NOC4L: variants seen among roughly 807,000 people sequenced by gnomAD.
NOC4L encodes nucleolar complex associated 4 homolog.
A neutral mutation model predicts 62.8 loss-of-function variants in NOC4L; 40 were observed. The ratio of observed to expected loss-of-function variants is 0.64; its 90% CI spans 0.49 to 0.83. NOC4L has a LOEUF of 0.83. Ranked by LOEUF, NOC4L falls within the 40% of genes least tolerant of loss-of-function variation. NOC4L has a pLI of 0.00. For missense variants in NOC4L, 927 were observed against 701.9 expected, an observed-to-expected ratio of 1.32 and a Z score of -3.62; for synonymous variants, 433 against 299.8, an observed-to-expected ratio of 1.44 and a Z score of -4.59.
Position 132,151,651 on chromosome 12 carries a change from T to TG in NOC4L, c.1234+8dup, listed in dbSNP as rs1402961804. Reference sequence around the variant, plus strand: ...CACCGTCCACACGGCCCTGGTGAGTTGCGGGGCCCTCGGAGGCTGGGCTGG... The same window carrying TG: ...CACCGTCCACACGGCCCTGGTGAGTTGGCGGGGCCCTCGGAGGCTGGGCTGG... On this transcript the variant is annotated splice_region_variant and intron_variant, in intron 12 of 14. Coordinates refer to ENST00000330579, the MANE Select transcript of NOC4L (RefSeq NM_024078.3). 6.2e-7 allele frequency: 1 copy of TG among 1,611,412 alleles called. No homozygotes were observed.
Position 132,144,560 on chromosome 12 carries a change from C to T in NOC4L, c.72C>T (p.Ser24=). The T allele has an allele frequency of 6.6e-7, 1 of 1,521,172 alleles. No homozygotes were observed. Among genetic ancestry groups the T allele is most frequent in the Non-Finnish European group, 8.8e-7 (1 of 1,142,350 alleles). The allele number at this position is 1,521,172 out of a possible 1,614,324, so 94.2% of individuals were successfully genotyped here. The part of the protein sequence containing the change: ...LGRRLEAVLA[S]RSEANAVFDI... ...GCCGGCTGGAGGCGGTGCTGGCGAGCCGCAGTGAGGCCAACGCCGTGTTCG... is the reference window on the plus strand; with the variant it reads ...GCCGGCTGGAGGCGGTGCTGGCGAGTCGCAGTGAGGCCAACGCCGTGTTCG... The change falls in exon 1 of 15, where the codon AGC becomes AGT. Residue 24 remains serine (S), a synonymous_variant. Coordinates refer to ENST00000330579, the MANE Select transcript of NOC4L (RefSeq NM_024078.3).
At chr12:132,145,416 C>T in intron 2 of NOC4L, 143 bp from the exon 3 acceptor site, 1 of 599,918 alleles carries the variant, frequency 1.7e-6, no homozygotes, top group Non-Finnish European at 3.0e-6. Context: ...CAGCACAGGT[C>T]TGGGGGCCTT....
In NOC4L at chr12:132,145,668, G is replaced by C; in HGVS notation, c.345+3G>C. On this transcript the variant is annotated splice_donor_region_variant and intron_variant, in intron 3 of 14. Coordinates refer to ENST00000330579, the MANE Select transcript of NOC4L (RefSeq NM_024078.3). Reference sequence around the variant, plus strand: ...GCCACCCCTCCTTTCAGGTCAAGGTGGGTCATTGGGCTGGCCTCATCCTTG... The same window carrying C: ...GCCACCCCTCCTTTCAGGTCAAGGTCGGTCATTGGGCTGGCCTCATCCTTG... 1 of 1,604,936 alleles carries C rather than the reference G, an allele frequency of 6.2e-7. No individual in the cohort carries two copies. The highest frequency in any genetic ancestry group is 8.5e-7 in the Non-Finnish European group (1 of 1,172,704).
At position 132,152,187 on chromosome 12, in the gene NOC4L, C is replaced by T. The variant is rs369988126; in HGVS notation, c.1421C>T (p.Thr474Met). ...EVSIAPLLEL[T>M]AYEIFERDLK... ...AGCATCGCGCCACTGCTGGAGCTCA[C>T]GGCCTACGAGGTGCGGAACTGGGCC... is the stretch of plus-strand genomic sequence containing the variant. The change falls in exon 14 of 15, where the codon ACG (threonine) becomes ATG (methionine). Residue 474 changes from threonine to methionine, a missense_variant. Transcript: ENST00000330579. 2.0e-5 allele frequency: 33 copies of T among 1,611,742 alleles called. No homozygotes were observed. The highest frequency in any genetic ancestry group is 1.1e-4 in the South Asian group (10 of 90,996).
rs150462136 is a variant in NOC4L at position 132,148,867 on chromosome 12, C to G, written c.873C>G (p.Ile291Met). The G allele has an allele frequency of 6.3e-7, 1 of 1,599,730 alleles. No individual in the cohort carries two copies. Among genetic ancestry groups the G allele is most frequent in the Non-Finnish European group, 8.5e-7 (1 of 1,178,252 alleles). The change falls in exon 9 of 15, where the codon ATC becomes ATG. Residue 291 changes from isoleucine (I) to methionine (M), a missense_variant. Ile to Met is a conservative substitution (Grantham distance 10, BLOSUM62 1). Transcript: ENST00000330579. The stretch of plus-strand genomic sequence containing the variant: ...AGCTGGCGCAGCCCACGCTCATGAT[C>G]GACTTCCTCACCCGCGCCTGCGACC... ...LPQLAQPTLM[I>M]DFLTRACDLG...
chr12:132,148,131 C>T (rs201626546), intron 7 of NOC4L, 25 bp downstream of exon 7: 483 of 1,612,128 alleles, frequency 3.0e-4, no homozygotes, highest in Non-Finnish European at 3.9e-4. Flanking sequence ...GAGAGCCGGG[C>T]ACCCTCCCGG....
chr12:132,148,125 G>A lies in NOC4L; in HGVS notation c.738+19G>A. 6.2e-7 allele frequency: 1 copy of A among 1,612,852 alleles called. No homozygotes were observed. Among genetic ancestry groups the A allele is most frequent in the African/African-American group, 1.3e-5 (1 of 75,038 alleles). On this transcript the variant is annotated intron_variant, in intron 7 of 14. Coordinates refer to ENST00000330579, the MANE Select transcript of NOC4L (RefSeq NM_024078.3). ...CCTGAAGGTGAGTTGCTTCTGGAGA[G>A]CCGGGCACCCTCCCGGGTTTGGGGG...
At chr12:132,148,723 ACCCCG>A in intron 8 of NOC4L, 56 bp from the exon 9 acceptor site, 1 of 1,262,322 alleles carries the variant, frequency 7.9e-7, no homozygotes, top group Non-Finnish European at 1.0e-6. Flanking sequence ...CGGAGGCCTC[ACCCCG>A]ACCCGCCGGC....
At chr12:132,151,463 C>G in intron 11 of NOC4L, 21 bp from the exon 12 acceptor site, 1 of 1,599,994 alleles carries the variant, frequency 6.3e-7, no homozygotes, top group Non-Finnish European at 8.5e-7. Context: ...GGCCCTGTCT[C>G]ACAACCACTG....
At chr12:132,145,051 GC>G (rs1654692353) in intron 2 of NOC4L, 77 bp downstream of exon 2, 5 of 1,498,658 alleles carry the variant, frequency 3.3e-6, no homozygotes, top group Non-Finnish European at 2.7e-6. Context: ...TGGGATGAGC[GC>G]CCCCAACCCT....
At chr12:132,148,735 CG>C (rs1565959995) in intron 8 of NOC4L, 48 bp from the exon 9 acceptor site, 1 of 1,301,244 alleles carries the variant, frequency 7.7e-7, no homozygotes, top group African/African-American at 1.6e-5. Context: ...CCCGACCCGC[CG>C]GCCCCCGCCC....
In NOC4L at chr12:132,148,808, G is replaced by C. The variant is rs933771887; in HGVS notation, c.814G>C (p.Val272Leu). Residue 272 changes from valine to leucine, a missense_variant, in exon 9 of 15, where the codon GTG (valine) becomes CTG (leucine). By Grantham distance (32) the Val-to-Leu change is conservative (BLOSUM62 1). Transcript: ENST00000330579. ...GCTGCCCCTCAGCCTCTACAAGAAG[G>C]TGCTGCTGATTGTGCATGACGCCAT... ...HKLPLSLYKK[V>L]LLIVHDAILP... 6 of 1,596,380 alleles carry C rather than the reference G, an allele frequency of 3.8e-6. No homozygotes were observed. Among genetic ancestry groups the C allele is most frequent in the East Asian group, 4.5e-5 (2 of 44,358 alleles).
chr12:132,145,094 C>T, intron 2 of NOC4L, 120 bp downstream of exon 2: 1 of 1,345,258 alleles, frequency 7.4e-7, no homozygotes, highest in Non-Finnish European at 9.9e-7. Flanking sequence ...TGGGAGGACG[C>T]ACCAAGCCCA....
chr12:132,145,835 C>G (rs1031643903), intron 3 of NOC4L, among the ~76,000 whole-genome samples, 170 bp downstream of exon 3: 2 of 152,200 alleles, frequency 1.3e-5, no homozygotes, highest in African/African-American at 4.8e-5. Flanking sequence ...GCTATCGAGT[C>G]CTGTAGTGAA....
Position 132,151,018 on chromosome 12 carries a change from C to T in NOC4L, c.939C>T (p.Phe313=), listed in dbSNP as rs762573403. 3.1e-6 allele frequency: 5 copies of T among 1,611,204 alleles called. No individual in the cohort carries two copies. The South Asian group carries it at 4.4e-5, about 14-fold the overall frequency. ...ALSLLALNGL[F]ILIHKHNLEY... ...GCCTCTTGGCCTTGAACGGGCTGTT[C>T]ATCTTGATTCACAAACACAACCTGT... The change falls in exon 10 of 15, where the codon TTC becomes TTT. Residue 313 remains phenylalanine (F), a synonymous_variant. Coordinates refer to ENST00000330579, the MANE Select transcript of NOC4L (RefSeq NM_024078.3).
At chr12:132,151,686 G>A (rs780253212) in intron 12 of NOC4L, 42 bp downstream of exon 12, 49 of 1,611,504 alleles carry the variant, frequency 3.0e-5, no homozygotes, top group African/African-American at 1.5e-4. Context: ...GAGCTGGGGC[G>A]GGGGTGCCTG....
chr12:132,147,648 C>CT lies in NOC4L; in HGVS notation c.470dup (p.Leu158AlafsTer4). 6.2e-7 allele frequency: 1 copy of CT among 1,612,834 alleles called. No homozygotes were observed. Among genetic ancestry groups the CT allele is most frequent in the Non-Finnish European group, 8.5e-7 (1 of 1,179,922 alleles). On this transcript the variant is annotated frameshift_variant, in exon 5 of 15. Coordinates refer to ENST00000330579, the MANE Select transcript of NOC4L (RefSeq NM_024078.3). LOFTEE classifies it high-confidence loss of function. The stretch of plus-strand genomic sequence containing the variant: ...TTGCCCCTAGTTGGTGGTGGGAGGC[C>CT]TGCTGTCTCCTGAGGAGGACCAGAG...
chr12:132,152,274 C>T lies in NOC4L; in HGVS notation c.1432-8C>T, dbSNP rs1457921408. ...AGCCTGAGAGCCGCCGTGCTTTGTG[C>T]TTTGCAGATCTTTGAGCGGGACCTG... On this transcript the variant is annotated splice_polypyrimidine_tract_variant and splice_region_variant and intron_variant, in intron 14 of 14. Transcript: ENST00000330579. 3.2e-6 allele frequency: 5 copies of T among 1,571,916 alleles called. No individual in the cohort carries two copies. The highest frequency in any genetic ancestry group is 3.5e-6 in the Non-Finnish European group (4 of 1,159,108).
intron 12 of NOC4L, 30 bp from the exon 13 acceptor site, chr12:132,151,708 G>T (rs770378248): frequency 6.2e-7 from 1 of 1,612,132 alleles, no homozygotes. Flanking sequence ...TGCTGTGGAC[G>T]GCAGACAAGG....
Sources: gnomAD v4.1 joint callset for allele counts (sites outside exome capture counted in the v4.1 genomes callset) on GRCh38, gnomAD v4.1.1 for gene constraint, MANE v1.5 for transcripts, NCBI Gene and HGNC (gene_info 2026-07-23, HGNC 2026-07-21) for gene names.